The following MED4 variants were observed in gnomAD, a reference collection of about 807,000 sequenced individuals.
The protein encoded by MED4 is mediator complex subunit 4.
MED4 carries 21 observed loss-of-function variants against 35.0 expected under a neutral mutation model. The ratio of observed to expected loss-of-function variants is 0.60; its 90% CI spans 0.43 to 0.86. MED4 has a LOEUF of 0.86. Among genes scored for constraint, MED4 ranks in the 40% least tolerant of loss-of-function variants. The pLI, the probability that MED4 is intolerant of heterozygous loss-of-function variation, is 0.00. For missense variants in MED4, 300 were observed against 319.4 expected, an observed-to-expected ratio of 0.94 and a Z score of 0.46; for synonymous variants, 138 against 114.0, an observed-to-expected ratio of 1.21 and a Z score of -1.34.
chr13:48,077,396 AG>A, intron 6 of MED4, 85 bp from the exon 7 acceptor site: 1 of 1,165,290 alleles, frequency 8.6e-7, no homozygotes, highest in Non-Finnish European at 1.1e-6. Context: ...AACAATTTGA[AG>A]TATTTTTTTT....
chr13:48,094,886 G>T, intron 1 of MED4, 68 bp downstream of exon 1: 1 of 1,576,844 alleles, frequency 6.3e-7, no homozygotes, highest in Non-Finnish European at 8.6e-7. Flanking sequence ...CACAAACGCA[G>T]GGCCGGCCGG....
intron 4 of MED4, 62 bp from the exon 5 acceptor site, chr13:48,081,793 G>T: frequency 2.0e-6 from 2 of 979,822 alleles, no homozygotes; most frequent in Non-Finnish European, 1.5e-6. Context: ...GTTTAGAAAT[G>T]TATCTATCAG....
chr13:48,095,101 G>A lies in MED4; in HGVS notation c.-23C>T, dbSNP rs200648090. Reference sequence around the variant, plus strand: ...CATTTTCCCCAGAGTCCCGCCACCGGCGCACGCGCAGAGCGAGCTGACGCA... The same window carrying A: ...CATTTTCCCCAGAGTCCCGCCACCGACGCACGCGCAGAGCGAGCTGACGCA... On this transcript the variant is annotated 5_prime_UTR_variant, in exon 1 of 7. Transcript: ENST00000258648. 594 of 1,600,422 alleles carry A rather than the reference G, an allele frequency of 3.7e-4. 1 individual carries two copies. Among genetic ancestry groups the A allele is most frequent in the Non-Finnish European group, 4.6e-4 (547 of 1,179,536 alleles).
chr13:48,090,663 C>G (rs1175776895), intron 1 of MED4, among the ~76,000 whole-genome samples: 1 of 152,162 alleles, frequency 6.6e-6, no homozygotes, highest in Non-Finnish European at 1.5e-5. Context: ...AAGCCTAATG[C>G]TTGGAAAGAC....
chr13:48,082,695 C>T (rs932703534), intron 4 of MED4, among the ~76,000 whole-genome samples: 16 of 152,076 alleles, frequency 1.1e-4, no homozygotes, highest in Non-Finnish European at 1.9e-4. Flanking sequence ...GGTGTGGTGG[C>T]GGGCGCCTGT....
At chr13:48,093,526 C>T in intron 1 of MED4, 1 of 428,194 alleles carries the variant, frequency 2.3e-6, no homozygotes, top group South Asian at 1.7e-5. Context: ...TCACAGATCA[C>T]AGAATCAGTA....
chr13:48,077,104 A>C lies in MED4; in HGVS notation c.*35T>G, dbSNP rs3742108. 0.016 allele frequency: 24,144 copies of C among 1,524,472 alleles called. 859 individuals are homozygous for C. The highest frequency in any genetic ancestry group is 0.1 in the African/African-American group (7,055 of 69,726). The allele number at this position is 1,524,472 out of a possible 1,614,324, so 94.4% of individuals were successfully genotyped here. The stretch of plus-strand genomic sequence containing the variant: ...TACTGTTAAAGAAACAGAATTCTAC[A>C]GTATTCAATTCTGTATATTGTCTTT... On this transcript the variant is annotated 3_prime_UTR_variant, in exon 7 of 7. Transcript: ENST00000258648.
chr13:48,084,079 G>A (rs117141326), intron 3 of MED4, among the ~76,000 whole-genome samples: 3,762 of 152,086 alleles, frequency 0.025, 78 homozygotes, highest in South Asian at 0.079. Flanking sequence ...TGACCAACAC[G>A]GTAAAAACCC....
intron 2 of MED4, among the ~76,000 whole-genome samples, chr13:48,088,085 T>G (rs547203913): frequency 2.0e-4 from 31 of 152,302 alleles, no homozygotes; most frequent in African/African-American, 7.2e-4. Flanking sequence ...GAAGCTATTG[T>G]GAGGATTCAT....
rs565537089 is a variant in MED4 at position 48,085,393 on chromosome 13, G to A, written c.363+889C>T. ...TCACTATGTTGGCCAGACTGGTCTC[G>A]AACTGAGACTGGTCTCAATCACAGA... On this transcript the variant is annotated intron_variant, in intron 3 of 6. Coordinates refer to ENST00000258648, the MANE Select transcript of MED4 (RefSeq NM_014166.4). Among the ~76,000 whole-genome samples, 5 of 152,150 alleles carry A rather than the reference G, an allele frequency of 3.3e-5. No homozygotes were observed. The South Asian group carries it at 6.2e-4, about 19-fold the overall frequency.
rs773360872 is a variant in MED4 at position 48,077,284 on chromosome 13, T to C, written c.668A>G (p.Gln223Arg). 18 of 1,552,936 alleles carry C rather than the reference T, an allele frequency of 1.2e-5. 1 individual carries two copies. The South Asian group carries it at 2.1e-4, about 18-fold the overall frequency. ...CATATTCATCGACATGTCATTTGAC[T>C]GCCATGGATACTGTGGAGCAAGGAC... ...PDVLAPQYPW[Q>R]SNDMSMNMLP... The change falls in exon 7 of 7, where the codon CAG becomes CGG. Residue 223 changes from glutamine (Q) to arginine (R), a missense_variant. Gln to Arg is a conservative substitution (Grantham distance 43). Transcript: ENST00000258648.
intron 2 of MED4, among the ~76,000 whole-genome samples, chr13:48,087,199 C>T (rs1284153166): frequency 6.6e-6 from 1 of 151,756 alleles, no homozygotes; most frequent in Non-Finnish European, 1.5e-5. Context: ...AACCCCATCT[C>T]TACTGAAAAT....
At chr13:48,090,443 C>T (rs1208160528) in intron 1 of MED4, 25 bp from the exon 2 acceptor site, 6 of 1,549,780 alleles carry the variant, frequency 3.9e-6, no homozygotes, top group Non-Finnish European at 4.4e-6. Flanking sequence ...CCAACAACAA[C>T]AAAAACCCTT....
chr13:48,087,279 C>T (rs1242076893), intron 2 of MED4, among the ~76,000 whole-genome samples: 6 of 151,820 alleles, frequency 4.0e-5, no homozygotes, highest in Middle Eastern at 3.4e-3. Context: ...GAAGGAGAAT[C>T]GCTTGAACCC....
intron 1 of MED4, among the ~76,000 whole-genome samples, chr13:48,092,837 T>C (rs1950899739): frequency 6.6e-6 from 1 of 152,148 alleles, no homozygotes; most frequent in African/African-American, 2.4e-5. Flanking sequence ...GGGGCTATGG[T>C]AGGAGATGTG....
At position 48,075,786 on chromosome 13, in the gene MED4, G is replaced by A. The variant is rs1461538493; in HGVS notation, c.*1353C>T. Reference sequence around the variant, plus strand: ...ACATGGATCAATATTCCTAGTATACGGACAAGGCAAGGTTAAAATTAGATA... The same window carrying A: ...ACATGGATCAATATTCCTAGTATACAGACAAGGCAAGGTTAAAATTAGATA... On this transcript the variant is annotated 3_prime_UTR_variant, in exon 7 of 7. Transcript: ENST00000258648. Among the ~76,000 whole-genome samples, 2 of 152,106 alleles carry A rather than the reference G, an allele frequency of 1.3e-5. No homozygotes were observed. The highest frequency in any genetic ancestry group is 2.9e-5 in the Non-Finnish European group (2 of 68,034).
intron 5 of MED4, among the ~76,000 whole-genome samples, chr13:48,080,524 C>G (rs749623741): frequency 6.7e-6 from 1 of 149,826 alleles, no homozygotes; most frequent in African/African-American, 2.5e-5. Context: ...CAAGAATATA[C>G]TATTTTCTAC....
chr13:48,078,251 C>T (rs4941624), intron 6 of MED4, among the ~76,000 whole-genome samples: 141,396 of 152,276 alleles, frequency 0.93, 65,668 homozygotes, highest in East Asian at 1. Flanking sequence ...GCCAGTTAGC[C>T]TCAAATCTAC....
intron 6 of MED4, among the ~76,000 whole-genome samples, chr13:48,078,720 G>A (rs1326547887): frequency 1.3e-5 from 2 of 152,102 alleles, no homozygotes; most frequent in Non-Finnish European, 2.9e-5. Context: ...CCAAAATGTG[G>A]CAGTGACTCC....
Sources: allele counts gnomAD v4.1 joint callset (sites outside exome capture counted in the v4.1 genomes callset), GRCh38; gene constraint gnomAD v4.1.1; transcripts MANE v1.5; gene names NCBI Gene and HGNC (gene_info 2026-07-23, HGNC 2026-07-21).